The following UACA variants were observed in gnomAD, a reference collection of about 807,000 sequenced individuals.
UACA encodes nuclear membrane binding protein.
UACA carries 112 observed loss-of-function variants against 160.5 expected under a neutral mutation model. That is an observed-to-expected ratio of 0.70 (90% CI 0.60 to 0.82). The LOEUF is 0.82. UACA is among the 40% of genes least tolerant of loss of function. The probability of loss-of-function intolerance (pLI) is 0.00; values close to 1 mark genes in which losing one functional copy is unlikely to be tolerated. For missense variants in UACA, 1,574 were observed against 1,614.6 expected (o/e 0.97, Z 0.43); for synonymous variants, 557 against 568.4 (o/e 0.98, Z 0.29).
intron 13 of UACA, among the ~76,000 whole-genome samples, chr15:70,674,073 G>C (rs368094686): frequency 1.3e-5 from 2 of 152,236 alleles, no homozygotes; most frequent in South Asian, 2.1e-4. Context: ...TGTTGCCCAG[G>C]CTGGTCTCGA....
chr15:70,725,322 A>C (rs1028165831), intron 1 of UACA, among the ~76,000 whole-genome samples: 1 of 152,212 alleles, frequency 6.6e-6, no homozygotes, highest in African/African-American at 2.4e-5. Flanking sequence ...GGAAAAGTAA[A>C]TATTGGTACT....
At chr15:70,772,236 G>A in the UACA span, among the ~76,000 whole-genome samples, 1 of 152,130 alleles carries the variant, frequency 6.6e-6, no homozygotes, top group Admixed American at 6.5e-5. Flanking sequence ...GCTCACGCCT[G>A]TAATCCCAGC....
intron 18 of UACA, among the ~76,000 whole-genome samples, chr15:70,657,514 G>T (rs2140875571): frequency 6.6e-6 from 1 of 152,242 alleles, no homozygotes; most frequent in African/African-American, 2.4e-5. Context: ...AGAATCGCTG[G>T]AACCTGGGAG....
At chr15:70,660,810 TAGAG>T (rs1267059628) in intron 17 of UACA, 1 of 152,250 alleles carries the variant, frequency 6.6e-6, no homozygotes, top group Admixed American at 6.5e-5. Flanking sequence ...TTTTGAGATA[TAGAG>T]AGAGACCACA....
At chr15:70,670,530 T>C (rs888912969) in intron 15 of UACA, among the ~76,000 whole-genome samples, 2 of 152,080 alleles carry the variant, frequency 1.3e-5, no homozygotes, top group Non-Finnish European at 2.9e-5. Flanking sequence ...GCCCTAAAAC[T>C]TCCCTTGGTC....
chr15:70,753,249 C>A (rs1368845889), intron 1 of UACA, among the ~76,000 whole-genome samples: 4 of 152,158 alleles, frequency 2.6e-5, no homozygotes, highest in Non-Finnish European at 5.9e-5. Flanking sequence ...TATGTTCACC[C>A]TCCCTGGAAA....
Position 70,668,607 on chromosome 15 carries a change from T to C in UACA, c.2077A>G (p.Arg693Gly), listed in dbSNP as rs1311824317. The C allele has an allele frequency of 6.2e-7, 1 of 1,613,870 alleles. No individual in the cohort carries two copies. ...AGTTCTCCTGATTTCTGTTCTAATC[T>C]GCTCTTAACCTGTTCATGTTCCTCT... ...KPEEHEQVKS[R>G]LEQKSGELGK... Residue 693 changes from arginine (R) to glycine (G), a missense_variant, in exon 16 of 19, where the codon AGA (arginine) becomes GGA (glycine). By Grantham distance (125) the Arg-to-Gly change is moderately radical (BLOSUM62 -2). Coordinates refer to ENST00000322954, the MANE Select transcript of UACA (RefSeq NM_018003.4).
chr15:70,757,049 G>A (rs10444807), intron 1 of UACA, among the ~76,000 whole-genome samples: 98,222 of 152,094 alleles, frequency 0.65, 34,718 homozygotes, highest in Admixed American at 0.79. Flanking sequence ...TCTAAATAAA[G>A]TCCATCACGG....
intron 1 of UACA, among the ~76,000 whole-genome samples, chr15:70,755,045 A>C (rs1435381082): frequency 6.6e-6 from 1 of 152,224 alleles, no homozygotes; most frequent in East Asian, 1.9e-4. Context: ...TGTATCCTTT[A>C]GGTGGCAGGA....
At chr15:70,693,597 G>A (rs907140481) in intron 3 of UACA, among the ~76,000 whole-genome samples, 1 of 151,970 alleles carries the variant, frequency 6.6e-6, no homozygotes, top group African/African-American at 2.4e-5. Flanking sequence ...ACAAAAGACA[G>A]AAGAGTTAAA....
chr15:70,666,208 T>A (rs531917395), intron 16 of UACA, among the ~76,000 whole-genome samples: 10 of 152,156 alleles, frequency 6.6e-5, no homozygotes, highest in Admixed American at 6.6e-4. Context: ...AATGAATGTA[T>A]AGGATTCAAC....
chr15:70,663,842 G>T (rs1242497111), intron 17 of UACA, among the ~76,000 whole-genome samples: 3 of 134,572 alleles, frequency 2.2e-5, no homozygotes, highest in Non-Finnish European at 4.7e-5. Flanking sequence ...ACACAGGAAG[G>T]GGAACATCAC....
chr15:70,681,693 G>A (rs1897512217), intron 9 of UACA: 1 of 152,124 alleles, frequency 6.6e-6, no homozygotes, highest in African/African-American at 2.4e-5. Context: ...AAGAAGGCTG[G>A]AACAGTTGCT....
Position 70,660,192 on chromosome 15 carries a change from C to G in UACA, c.4138G>C (p.Val1380Leu). 6.2e-7 allele frequency: 1 copy of G among 1,613,554 alleles called. No homozygotes were observed. The highest frequency in any genetic ancestry group is 8.5e-7 in the Non-Finnish European group (1 of 1,179,642). The change falls in exon 18 of 19, where the codon GTA (valine) becomes CTA (leucine). Residue 1380 changes from valine to leucine, a missense_variant. Val to Leu is a conservative substitution (Grantham distance 32). Transcript: ENST00000322954. ...AGGTGTGTCCGATAAATTGCAATTA[C>G]TTCTTGGTGCTGTCTGTCAGCATCC... ...LADADRQHQE[V>L]IAIYRTHLLS...
At chr15:70,740,527 C>G (rs181896938) in intron 1 of UACA, among the ~76,000 whole-genome samples, 91 of 150,418 alleles carry the variant, frequency 6.0e-4, no homozygotes, top group African/African-American at 2.0e-3. Flanking sequence ...GTCCCAGCTA[C>G]ACGGGAGGCT....
rs955497491 is a variant in UACA, at chr15:70,755,051, C to T, written c.78+8279G>A. 3.3e-5 allele frequency among the ~76,000 whole-genome samples: 5 copies of T among 152,198 alleles called. No individual in the cohort carries two copies. The East Asian group carries it at 7.7e-4, about 24-fold the overall frequency. ...ATAATATGCTGTATCCTTTAGGTGG[C>T]AGGACAAACATTTGCAAAACTGTAA... On this transcript the variant is annotated intron_variant, in intron 1 of 18. Transcript: ENST00000322954.
At chr15:70,700,318 T>TATATATATATATATATACACACACAC (rs565377949) in intron 1 of UACA, among the ~76,000 whole-genome samples, 2 of 139,762 alleles carry the variant, frequency 1.4e-5, no homozygotes, top group African/African-American at 5.8e-5. Flanking sequence ...TATATATATA[T>TATATATATATATATATACACACACAC]ACACACACAC....
At chr15:70,707,642 A>G (rs956433255) in intron 1 of UACA, among the ~76,000 whole-genome samples, 4 of 152,212 alleles carry the variant, frequency 2.6e-5, no homozygotes, top group African/African-American at 9.6e-5. Flanking sequence ...ATAATATACA[A>G]ATAGCCAACA....
chr15:70,706,272 T>C (rs1031100113), intron 1 of UACA, among the ~76,000 whole-genome samples: 4 of 152,020 alleles, frequency 2.6e-5, no homozygotes, highest in African/African-American at 9.7e-5. Context: ...AGAAGGAAAC[T>C]GCCTCAACAC....
Sources: gnomAD v4.1 joint callset for allele counts (sites outside exome capture counted in the v4.1 genomes callset) on GRCh38, gnomAD v4.1.1 for gene constraint, MANE v1.5 for transcripts, NCBI Gene and HGNC (gene_info 2026-07-23, HGNC 2026-07-21) for gene names.